SHB: variants seen among roughly 807,000 people sequenced by gnomAD.
SHB encodes SH2 domain containing adaptor protein B, also known as SH2 domain-containing adapter protein B.
A neutral mutation model predicts 52.3 loss-of-function variants in SHB; 20 were observed. The ratio of observed to expected loss-of-function variants is 0.38; its 90% CI spans 0.27 to 0.56. SHB has a LOEUF of 0.56. Among genes scored for constraint, SHB ranks in the 20% least tolerant of loss-of-function variants. The probability of loss-of-function intolerance (pLI) is 0.71; values close to 1 mark genes in which losing one functional copy is unlikely to be tolerated. For missense variants in SHB, 825 were observed against 723.3 expected (o/e 1.14, Z -1.61); for synonymous variants, 397 against 316.5 (o/e 1.25, Z -2.70).
chr9:38,047,888 C>A (rs1171696772), intron 1 of SHB, among the ~76,000 whole-genome samples: 1 of 152,218 alleles, frequency 6.6e-6, no homozygotes, highest in Non-Finnish European at 1.5e-5. Context: ...CGGACACAGA[C>A]AGATAAAGTC....
chr9:37,976,663 A>G (rs1820660400), intron 2 of SHB, among the ~76,000 whole-genome samples: 1 of 152,132 alleles, frequency 6.6e-6, no homozygotes, highest in African/African-American at 2.4e-5. Context: ...CATTATGTAT[A>G]TTCACCGTCC....
chr9:37,956,684 A>T (rs1177071469), intron 3 of SHB, among the ~76,000 whole-genome samples: 1 of 152,058 alleles, frequency 6.6e-6, no homozygotes, highest in African/African-American at 2.4e-5. Context: ...GTTCACCCCC[A>T]CAGGCTGGGG....
At chr9:37,956,256 G>A (rs962779317) in intron 3 of SHB, among the ~76,000 whole-genome samples, 3 of 152,164 alleles carry the variant, frequency 2.0e-5, no homozygotes, top group South Asian at 2.1e-4. Context: ...CCAATGGTGC[G>A]TGTGAGGGGC....
intron 1 of SHB, among the ~76,000 whole-genome samples, chr9:38,035,460 G>T (rs1358375763): frequency 6.6e-6 from 1 of 151,980 alleles, no homozygotes; most frequent in Non-Finnish European, 1.5e-5. Context: ...AGTGTTGAAG[G>T]GGTTGCTCCA....
At chr9:37,928,215 C>A (rs1832272876) in intron 5 of SHB, among the ~76,000 whole-genome samples, 1 of 152,188 alleles carries the variant, frequency 6.6e-6, no homozygotes, top group Non-Finnish European at 1.5e-5. Context: ...AGCACCACAG[C>A]AGGAGGAACA....
At chr9:37,988,651 G>A (rs1459242454) in intron 2 of SHB, among the ~76,000 whole-genome samples, 1 of 152,002 alleles carries the variant, frequency 6.6e-6, no homozygotes, top group Non-Finnish European at 1.5e-5. Context: ...CTTTTTATGT[G>A]TCAACATGGT....
intron 1 of SHB, among the ~76,000 whole-genome samples, chr9:38,027,484 G>A (rs1301835898): frequency 1.3e-5 from 2 of 152,022 alleles, no homozygotes; most frequent in Non-Finnish European, 2.9e-5. Context: ...TTTAGTCTGG[G>A]GAACCCAGAC....
At chr9:38,050,916 C>T (rs944952483) in intron 1 of SHB, among the ~76,000 whole-genome samples, 3 of 152,076 alleles carry the variant, frequency 2.0e-5, no homozygotes, top group South Asian at 2.1e-4. Context: ...CAAAAAAGAA[C>T]GTGCCTTCAC....
At chr9:37,926,638 C>CG (rs1405053211) in intron 5 of SHB, among the ~76,000 whole-genome samples, 2 of 152,224 alleles carry the variant, frequency 1.3e-5, no homozygotes, top group African/African-American at 2.4e-5. Flanking sequence ...CACACGACCC[C>CG]GTTCTCCCTC....
Position 37,919,481 on chromosome 9 carries a change from G to GTGTA in SHB, c.*339_*340insTACA. ...TGGAGAACAAAGAGATGTCAGCCAG[G>GTGTA]GAGCTCCCGCCCCACCCTACCCCGC... On this transcript the variant is annotated 3_prime_UTR_variant, in exon 6 of 6. Transcript: ENST00000377707. 1 of 195,258 alleles carries GTGTA rather than the reference G, an allele frequency of 5.1e-6. No individual in the cohort carries two copies. 12.1% of individuals were successfully genotyped at this position (195,258 alleles called of 1,614,324 possible).
At chr9:38,023,131 C>G (rs1385649070) in intron 1 of SHB, among the ~76,000 whole-genome samples, 1 of 152,214 alleles carries the variant, frequency 6.6e-6, no homozygotes, top group African/African-American at 2.4e-5. Context: ...CCGGTGGCAG[C>G]TGGGCTGCAG....
intron 5 of SHB, among the ~76,000 whole-genome samples, chr9:37,928,552 C>A (rs929218119): frequency 6.6e-6 from 1 of 152,214 alleles, no homozygotes; most frequent in African/African-American, 2.4e-5. Context: ...CTACGACGCA[C>A]AGCACAGCCC....
At chr9:38,049,586 C>T (rs1342700011) in intron 1 of SHB, among the ~76,000 whole-genome samples, 2 of 136,566 alleles carry the variant, frequency 1.5e-5, no homozygotes, top group Admixed American at 8.0e-5. Flanking sequence ...CCAGCCTGGG[C>T]AACACAGCAA....
intron 5 of SHB, among the ~76,000 whole-genome samples, chr9:37,930,965 C>A (rs899760989): frequency 1.3e-5 from 2 of 152,164 alleles, no homozygotes; most frequent in Admixed American, 1.3e-4. Flanking sequence ...AATCCAAACA[C>A]ATATGGGTCA....
intron 2 of SHB, chr9:38,015,466 A>G: frequency 1.4e-6 from 1 of 703,066 alleles, no homozygotes; most frequent in Non-Finnish European, 2.6e-6. Flanking sequence ...GAATGTCTCC[A>G]TGCTTCCTGT....
At chr9:38,040,301 G>A (rs886873953) in intron 1 of SHB, among the ~76,000 whole-genome samples, 2 of 152,218 alleles carry the variant, frequency 1.3e-5, no homozygotes, top group African/African-American at 4.8e-5. Flanking sequence ...CTGCCTCAAG[G>A]GTAAGACAGA....
intron 5 of SHB, among the ~76,000 whole-genome samples, chr9:37,941,160 G>A (rs1309338170): frequency 6.6e-6 from 1 of 152,154 alleles, no homozygotes; most frequent in Admixed American, 6.5e-5. Flanking sequence ...GTGGATGTGG[G>A]CACAGATGGA....
At chr9:38,008,213 T>G (rs138246236) in intron 2 of SHB, among the ~76,000 whole-genome samples, 1 of 152,202 alleles carries the variant, frequency 6.6e-6, no homozygotes, top group African/African-American at 2.4e-5. Flanking sequence ...ACGTGCTCAG[T>G]GTCAGGGGTC....
intron 2 of SHB, among the ~76,000 whole-genome samples, chr9:38,007,313 C>T (rs1012674636): frequency 2.6e-5 from 4 of 152,170 alleles, no homozygotes; most frequent in Non-Finnish European, 2.9e-5. Flanking sequence ...TTCATGCAAT[C>T]GGTGAATATT....
Sources: gnomAD v4.1 joint callset for allele counts (sites outside exome capture counted in the v4.1 genomes callset) on GRCh38, gnomAD v4.1.1 for gene constraint, MANE v1.5 for transcripts, NCBI Gene and HGNC (gene_info 2026-07-23, HGNC 2026-07-21) for gene names.